Variants in FBXL2 observed in about 807,000 individuals in gnomAD.
The protein encoded by FBXL2 is F-box/LRR-repeat protein 2.
A neutral mutation model predicts 69.2 loss-of-function variants in FBXL2; 38 were observed. The ratio of observed to expected loss-of-function variants is 0.55; its 90% confidence interval spans 0.42 to 0.72. The LOEUF (loss-of-function observed/expected upper bound fraction) is 0.72. Among genes scored for constraint, FBXL2 ranks in the 30% least tolerant of loss-of-function variants. The pLI, the probability that FBXL2 is intolerant of heterozygous loss-of-function variation, is 0.00. For missense variants in FBXL2, 354 were observed against 520.3 expected, an observed-to-expected ratio of 0.68 and a Z score of 3.11; for synonymous variants, 192 against 201.3, an observed-to-expected ratio of 0.95 and a Z score of 0.39.
Position 33,379,500 on chromosome 3 carries a change from G to A in FBXL2, c.951+759G>A, listed in dbSNP as rs187506277. Among the ~76,000 whole-genome samples, 21 of 146,296 alleles carry A rather than the reference G, an allele frequency of 1.4e-4. No homozygotes were observed. In the East Asian group the frequency reaches 2.3e-3, roughly 16 times the overall value. ...CTCCCGAGTAGCTGGGATTACAGGC[G>A]TGCACCACCACGCCCAGCAAATTTT... On this transcript the variant is annotated intron_variant, in intron 13 of 14. Transcript: ENST00000484457.
At chr3:33,355,955 A>G (rs920091297) in intron 2 of FBXL2, among the ~76,000 whole-genome samples, 3 of 152,198 alleles carry the variant, frequency 2.0e-5, no homozygotes, top group African/African-American at 7.2e-5. Context: ...TATTTGTGCA[A>G]ATTCAACTAC....
intron 5 of FBXL2, among the ~76,000 whole-genome samples, chr3:33,368,523 A>G (rs2042093715): frequency 6.6e-6 from 1 of 152,082 alleles, no homozygotes; most frequent in Non-Finnish European, 1.5e-5. Flanking sequence ...GGCATTATAT[A>G]TGTTTTTCCA....
chr3:33,381,139 T>C (rs2043025865), intron 13 of FBXL2, among the ~76,000 whole-genome samples: 1 of 152,224 alleles, frequency 6.6e-6, no homozygotes, highest in Non-Finnish European at 1.5e-5. Flanking sequence ...TTTTTAAAAA[T>C]TTCTATGAAT....
chr3:33,349,905 C>A (rs1328715115), intron 2 of FBXL2, among the ~76,000 whole-genome samples: 2 of 152,098 alleles, frequency 1.3e-5, no homozygotes, highest in African/African-American at 4.8e-5. Context: ...TAGTTAATAA[C>A]CTTCCAAAAC....
intron 12 of FBXL2, chr3:33,396,322 C>G: frequency 1.4e-6 from 2 of 1,439,084 alleles, no homozygotes; most frequent in Non-Finnish European, 1.9e-6. Context: ...GGAGAGAAAG[C>G]TGCCTTACAC....
intron 12 of FBXL2, chr3:33,402,885 G>A (rs749015870): frequency 3.1e-6 from 5 of 1,609,912 alleles, no homozygotes; most frequent in Non-Finnish European, 4.2e-6. Flanking sequence ...GGCTGTGGGG[G>A]CATCGGGCCA....
chr3:33,351,652 T>C (rs2040835304), intron 2 of FBXL2, among the ~76,000 whole-genome samples: 1 of 152,222 alleles, frequency 6.6e-6, no homozygotes, highest in Admixed American at 6.5e-5. Context: ...ACTAAATTAC[T>C]TTGTGAGCAA....
At chr3:33,325,721 TG>T (rs1223063482) in intron 2 of FBXL2, among the ~76,000 whole-genome samples, 1 of 152,224 alleles carries the variant, frequency 6.6e-6, no homozygotes, top group Non-Finnish European at 1.5e-5. Context: ...CTTGTTAAAA[TG>T]TTTTTTTAAA....
At chr3:33,413,402 C>A in the FBXL2 span, among the ~76,000 whole-genome samples, 2,081 of 151,908 alleles carry the variant, frequency 0.014, 20 homozygotes, top group South Asian at 0.026. Flanking sequence ...AAAAAATTAG[C>A]CAGGCATGGT....
chr3:33,379,114 TCTC>T (rs1233350947), intron 13 of FBXL2, among the ~76,000 whole-genome samples: 1 of 151,978 alleles, frequency 6.6e-6, no homozygotes, highest in Non-Finnish European at 1.5e-5. Context: ...TTCAAGCAAT[TCTC>T]CTCCTCAGCC....
downstream of FBXL2, among the ~76,000 whole-genome samples, chr3:33,408,473 G>A (rs1443917136): frequency 6.6e-6 from 1 of 152,024 alleles, no homozygotes; most frequent in Non-Finnish European, 1.5e-5. Flanking sequence ...CACCCAATAT[G>A]GTCAACATTG....
chr3:33,337,119 C>T (rs775700773), intron 2 of FBXL2, among the ~76,000 whole-genome samples: 8 of 151,946 alleles, frequency 5.3e-5, no homozygotes, highest in East Asian at 3.9e-4. Flanking sequence ...GCAGGAGGAT[C>T]GCTTGAACCC....
downstream of FBXL2, chr3:33,390,273 TCA>T: frequency 6.5e-7 from 1 of 1,536,868 alleles, no homozygotes; most frequent in South Asian, 1.1e-5. Flanking sequence ...GATTCAGTCT[TCA>T]CACACTTTTA....
At chr3:33,295,041 G>A (rs1052517638) in intron 1 of FBXL2, among the ~76,000 whole-genome samples, 3 of 151,982 alleles carry the variant, frequency 2.0e-5, no homozygotes, top group Admixed American at 2.0e-4. Flanking sequence ...ACTATTTATG[G>A]CACTATTTCC....
At chr3:33,363,579 G>T (rs562805878) in intron 4 of FBXL2, among the ~76,000 whole-genome samples, 1 of 152,142 alleles carries the variant, frequency 6.6e-6, no homozygotes, top group Non-Finnish European at 1.5e-5. Context: ...TTTACCTGGT[G>T]GAATGACTCA....
At chr3:33,322,493 G>A (rs2038322158) in intron 2 of FBXL2, among the ~76,000 whole-genome samples, 1 of 152,096 alleles carries the variant, frequency 6.6e-6, no homozygotes, top group African/African-American at 2.4e-5. Flanking sequence ...ATATACTAGA[G>A]GTTTACACAG....
At chr3:33,363,250 A>T (rs1451644046) in intron 4 of FBXL2, among the ~76,000 whole-genome samples, 3 of 152,184 alleles carry the variant, frequency 2.0e-5, no homozygotes, top group African/African-American at 7.2e-5. Context: ...CATGTTGGCC[A>T]GGCTGGTCTC....
At position 33,319,323 on chromosome 3, in the gene FBXL2, A is replaced by C. The variant is rs2037994301; in HGVS notation, c.65+21598A>C. ...CTTTATTATTTTAACTATTATTGGAACCATTTGAATGTATTGCCTATTAAA... is the reference window on the plus strand; with the variant it reads ...CTTTATTATTTTAACTATTATTGGACCCATTTGAATGTATTGCCTATTAAA... On this transcript the variant is annotated intron_variant, in intron 2 of 14. Transcript: ENST00000484457. 2.0e-5 allele frequency among the ~76,000 whole-genome samples: 3 copies of C among 152,170 alleles called. No individual in the cohort carries two copies. The South Asian group carries it at 6.2e-4, about 32-fold the overall frequency.
At position 33,323,470 on chromosome 3, in the gene FBXL2, G is replaced by A. The variant is rs546964733; in HGVS notation, c.65+25745G>A. On this transcript the variant is annotated intron_variant, in intron 2 of 14. Coordinates refer to ENST00000484457, the MANE Select transcript of FBXL2 (RefSeq NM_012157.5). ...TGATATCCCTCCCCTTCCCCCCGAC[G>A]CCCAACAGGCCCCATTGTGTGATGT... Among the ~76,000 whole-genome samples the A allele has an allele frequency of 2.6e-4, 40 of 151,880 alleles. No homozygotes were observed. In the South Asian group the frequency reaches 6.7e-3, roughly 25 times the overall value.
Sources: allele counts gnomAD v4.1 joint callset (sites outside exome capture counted in the v4.1 genomes callset), GRCh38; gene constraint gnomAD v4.1.1; transcripts MANE v1.5; gene names NCBI Gene and HGNC (gene_info 2026-07-23, HGNC 2026-07-21).